Variants in ULK4 observed in about 807,000 individuals in gnomAD.
ULK4 encodes the protein unc-51 like kinase 4.
In ULK4, 133 loss-of-function variants were observed where a neutral mutation model predicts 160.6. The ratio of observed to expected loss-of-function variants is 0.83; its 90% CI spans 0.72 to 0.96. The LOEUF (loss-of-function observed/expected upper bound fraction) is 0.96. Among genes scored for constraint, ULK4 ranks in the 40% least tolerant of loss-of-function variants. ULK4 has a pLI of 0.00. For synonymous variants in ULK4, 534 were observed against 539.8 expected, an observed-to-expected ratio of 0.99 and a Z score of 0.15; for missense variants, 1,580 against 1,499.5, an observed-to-expected ratio of 1.05 and a Z score of -0.89.
chr3:41,413,769 C>T (rs1190298825), intron 34 of ULK4, among the ~76,000 whole-genome samples: 1 of 152,198 alleles, frequency 6.6e-6, no homozygotes, highest in African/African-American at 2.4e-5. Flanking sequence ...TTATATTAGA[C>T]TCCTTTTTCT....
intron 32 of ULK4, among the ~76,000 whole-genome samples, chr3:41,552,767 A>T (rs1157531322): frequency 6.6e-6 from 1 of 152,082 alleles, no homozygotes; most frequent in African/African-American, 2.4e-5. Flanking sequence ...ATGGAACCCA[A>T]AAAGAGCCCA....
chr3:41,731,465 T>C (rs1026562591), intron 22 of ULK4, among the ~76,000 whole-genome samples: 2 of 151,968 alleles, frequency 1.3e-5, no homozygotes, highest in African/African-American at 4.8e-5. Context: ...GTAACAGTGA[T>C]GAAGAAATTA....
intron 35 of ULK4, among the ~76,000 whole-genome samples, chr3:41,267,868 T>C (rs2079070695): frequency 6.6e-6 from 1 of 152,164 alleles, no homozygotes; most frequent in African/African-American, 2.4e-5. Flanking sequence ...CAAAGGACAC[T>C]GAGAAAGAAT....
At chr3:41,349,214 G>T (rs2080864104) in intron 35 of ULK4, among the ~76,000 whole-genome samples, 1 of 152,136 alleles carries the variant, frequency 6.6e-6, no homozygotes, top group African/African-American at 2.4e-5. Context: ...TCACAGAGCT[G>T]GCTTTTCTCA....
intron 34 of ULK4, among the ~76,000 whole-genome samples, chr3:41,446,028 G>GA (rs1406100040): frequency 1.3e-5 from 2 of 151,626 alleles, no homozygotes; most frequent in Non-Finnish European, 2.9e-5. Flanking sequence ...AAATTTACAA[G>GA]AAAAAAACAA....
intron 34 of ULK4, among the ~76,000 whole-genome samples, chr3:41,421,571 T>C (rs371257269): frequency 6.6e-4 from 100 of 152,316 alleles, no homozygotes; most frequent in African/African-American, 2.4e-3. Context: ...AAATATTAGA[T>C]GATGTTTTTC....
At chr3:41,645,807 T>C (rs948969127) in intron 30 of ULK4, among the ~76,000 whole-genome samples, 11 of 152,156 alleles carry the variant, frequency 7.2e-5, no homozygotes, top group African/African-American at 2.4e-4. Context: ...AAGTCTCCCA[T>C]TATTATTGTG....
At chr3:41,369,506 A>T (rs941043019) in intron 35 of ULK4, among the ~76,000 whole-genome samples, 1 of 151,882 alleles carries the variant, frequency 6.6e-6, no homozygotes, top group Non-Finnish European at 1.5e-5. Flanking sequence ...AAAAAAAAAA[A>T]AAATGGCAGA....
chr3:41,447,913 C>T (rs1028252016), intron 34 of ULK4, among the ~76,000 whole-genome samples: 5 of 152,034 alleles, frequency 3.3e-5, no homozygotes, highest in East Asian at 3.9e-4. Flanking sequence ...TTAAAGCAAG[C>T]GAGCCGAGCC....
chr3:41,840,435 C>T (rs1323138283), intron 17 of ULK4, among the ~76,000 whole-genome samples: 1 of 152,234 alleles, frequency 6.6e-6, no homozygotes, highest in East Asian at 1.9e-4. Flanking sequence ...GACTGTACTG[C>T]CGTGGTCTCA....
chr3:41,473,416 C>T (rs1011808166), intron 32 of ULK4, among the ~76,000 whole-genome samples: 12 of 152,080 alleles, frequency 7.9e-5, no homozygotes, highest in African/African-American at 2.4e-4. Flanking sequence ...AAACCCAGCA[C>T]TTTGGGAGGC....
intron 7 of ULK4, among the ~76,000 whole-genome samples, chr3:41,918,225 A>C (rs1403130917): frequency 6.6e-6 from 1 of 152,164 alleles, no homozygotes; most frequent in African/African-American, 2.4e-5. Context: ...TATGATATAG[A>C]TGCACAAAAT....
chr3:41,531,060 C>T (rs2086291962), intron 32 of ULK4, among the ~76,000 whole-genome samples: 1 of 150,852 alleles, frequency 6.6e-6, no homozygotes, highest in African/African-American at 2.4e-5. Flanking sequence ...CCGCGCCCGG[C>T]CCAAAATGAA....
intron 34 of ULK4, among the ~76,000 whole-genome samples, chr3:41,441,372 T>C (rs1379795660): frequency 6.6e-6 from 1 of 152,110 alleles, no homozygotes; most frequent in Admixed American, 6.6e-5. Flanking sequence ...CAGTTCAAGA[T>C]ATTCTTTTCG....
chr3:41,819,398 A>G (rs879144094), intron 19 of ULK4, 25 bp downstream of exon 19: 17 of 1,605,732 alleles, frequency 1.1e-5, no homozygotes, highest in Admixed American at 5.2e-5. Context: ...GCCAGCATCT[A>G]CAGAGGACAA....
chr3:41,657,496 T>G (rs1408154912), intron 30 of ULK4, among the ~76,000 whole-genome samples: 1 of 152,088 alleles, frequency 6.6e-6, no homozygotes, highest in African/African-American at 2.4e-5. Flanking sequence ...GCACAAACAA[T>G]TAAGGCACTC....
chr3:41,499,222 A>T (rs1366150162), intron 32 of ULK4, among the ~76,000 whole-genome samples: 1 of 152,210 alleles, frequency 6.6e-6, no homozygotes, highest in Non-Finnish European at 1.5e-5. Context: ...TTGGCTTTCA[A>T]AAGTTTTTTA....
chr3:41,788,540 A>C (rs1027441086), intron 21 of ULK4, among the ~76,000 whole-genome samples: 1 of 152,062 alleles, frequency 6.6e-6, no homozygotes, highest in Non-Finnish European at 1.5e-5. Context: ...AAAACAAAAA[A>C]TTAGCCAGGC....
At chr3:41,775,209 G>A (rs1174432553) in intron 21 of ULK4, among the ~76,000 whole-genome samples, 1 of 149,864 alleles carries the variant, frequency 6.7e-6, no homozygotes, top group Non-Finnish European at 1.5e-5. Context: ...TACCCTAAAA[G>A]TATAATAATA....
Sources: allele counts gnomAD v4.1 joint callset (sites outside exome capture counted in the v4.1 genomes callset), GRCh38; gene constraint gnomAD v4.1.1; transcripts MANE v1.5; gene names NCBI Gene and HGNC (gene_info 2026-07-23, HGNC 2026-07-21).